The following GLYATL1 variants were observed in gnomAD, a reference collection of about 807,000 sequenced individuals.
The protein encoded by GLYATL1 is glycine-N-acyltransferase like 1.
GLYATL1 carries 15 observed loss-of-function variants against 20.0 expected under a neutral mutation model. The observed-to-expected ratio is 0.75, with a 90% CI of 0.50 to 1.15. GLYATL1 has a LOEUF of 1.15. Ranked by LOEUF, GLYATL1 falls within the 50% of genes most tolerant of loss-of-function variation. GLYATL1 has a pLI of 0.00. For missense variants in GLYATL1, 380 were observed against 368.5 expected, an observed-to-expected ratio of 1.03 and a Z score of -0.26; for synonymous variants, 151 against 131.5, an observed-to-expected ratio of 1.15 and a Z score of -1.01.
At chr11:58,948,168 T>C (rs1178592132) in intron 4 of GLYATL1, among the ~76,000 whole-genome samples, 3 of 150,296 alleles carry the variant, frequency 2.0e-5, no homozygotes, top group Non-Finnish European at 3.0e-5. Flanking sequence ...GGAAAGGGGG[T>C]GGAGGAGGAA....
chr11:58,921,984 C>T (rs1855319443), intron 1 of GLYATL1, among the ~76,000 whole-genome samples: 1 of 152,226 alleles, frequency 6.6e-6, no homozygotes, highest in Non-Finnish European at 1.5e-5. Context: ...CTCATCTGCA[C>T]ATAGTAGCAG....
chr11:58,926,351 G>A (rs751605429), upstream of GLYATL1, among the ~76,000 whole-genome samples: 117 of 152,194 alleles, frequency 7.7e-4, 1 homozygote, highest in Non-Finnish European at 1.4e-3. Flanking sequence ...ATAAGCCAAT[G>A]GGCCAGGCAG....
intron 1 of GLYATL1, among the ~76,000 whole-genome samples, chr11:58,920,736 A>T (rs571004539): frequency 6.6e-6 from 1 of 152,268 alleles, no homozygotes; most frequent in Non-Finnish European, 1.5e-5. Flanking sequence ...TCATTTTTGG[A>T]TGTGATAACC....
At position 58,954,443 on chromosome 11, in the gene GLYATL1, G is replaced by A. The variant is rs142635768; in HGVS notation, c.187-327G>A. Among the ~76,000 whole-genome samples, 577 of 152,276 alleles carry A rather than the reference G, an allele frequency of 3.8e-3. 5 individuals are homozygous for A. Among genetic ancestry groups the A allele is most frequent in the African/African-American group, 0.013 (550 of 41,550 alleles). ...ATGCTATATATAAAATAGGGTATGT[G>A]TGCAGTTGAGTGGGTAGGGAGAAAG... On this transcript the variant is annotated intron_variant, in intron 4 of 6. Transcript: ENST00000532726.
In GLYATL1 at chr11:58,955,789, A is replaced by C. The variant is rs758324113; in HGVS notation, c.671A>C (p.Asp224Ala). ...EGVPVSWVTM[D>A]PSCEVGMAYS... is the part of the protein sequence containing the mutation. The stretch of plus-strand genomic sequence containing the variant: ...GTCCCGGTCTCATGGGTAACCATGG[A>C]CCCTTCTTGTGAAGTAGGAATGGCC... The change falls in exon 7 of 7, where the codon GAC becomes GCC. Residue 224 changes from aspartate (D) to alanine (A), a missense_variant. Physicochemically the swap from Asp to Ala is moderately radical, Grantham distance 126. Coordinates refer to ENST00000532726, the MANE Select transcript of GLYATL1 (RefSeq NM_001389712.2). 7 of 1,614,130 alleles carry C rather than the reference A, an allele frequency of 4.3e-6. No individual in the cohort carries two copies. In the Admixed American group the frequency reaches 8.3e-5, roughly 19 times the overall value.
chr11:58,952,372 A>G (rs1444658695), intron 4 of GLYATL1, among the ~76,000 whole-genome samples: 3 of 152,164 alleles, frequency 2.0e-5, no homozygotes, highest in Non-Finnish European at 4.4e-5. Flanking sequence ...TATTTTATTC[A>G]TAATTTTTGT....
chr11:58,905,743 A>T, intron 1 of GLYATL1: 1 of 3,026 alleles, frequency 3.3e-4, no homozygotes, highest in Non-Finnish European at 6.3e-4. Context: ...ACAAATAGGG[A>T]GGGTGGGCGG....
chr11:58,919,089 C>T (rs1458600203), intron 1 of GLYATL1, among the ~76,000 whole-genome samples: 1 of 152,198 alleles, frequency 6.6e-6, no homozygotes, highest in Non-Finnish European at 1.5e-5. Flanking sequence ...CAAACAGAAT[C>T]ACCAGGTTTG....
At chr11:58,912,219 G>A (rs1291317780), downstream of GLYATL1, among the ~76,000 whole-genome samples, 1 of 152,110 alleles carries the variant, frequency 6.6e-6, no homozygotes, top group African/African-American at 2.4e-5. Context: ...GGTTTGAAGG[G>A]GCAATGTGAC....
At position 58,956,200 on chromosome 11, in the gene GLYATL1, C is replaced by A; in HGVS notation, c.*173C>A. 1.6e-6 allele frequency: 1 copy of A among 639,118 alleles called. No homozygotes were observed. Among genetic ancestry groups the A allele is most frequent in the Non-Finnish European group, 2.7e-6 (1 of 374,020 alleles). 39.6% of individuals were successfully genotyped at this position (639,118 alleles called of 1,614,324 possible). A position where few individuals can be genotyped will look rare whatever the true frequency, so the allele number is the denominator to read the frequency against. On this transcript the variant is annotated 3_prime_UTR_variant, in exon 7 of 7. Coordinates refer to ENST00000532726, the MANE Select transcript of GLYATL1 (RefSeq NM_001389712.2). ...CACAGCCATGCTCTTGAGGAGCTTA[C>A]AATCCTGGCTGGAGGCAGGGGAGGG...
chr11:58,920,340 G>C (rs1201066760), intron 1 of GLYATL1, among the ~76,000 whole-genome samples: 2 of 152,138 alleles, frequency 1.3e-5, no homozygotes, highest in Admixed American at 1.3e-4. Flanking sequence ...AAGCATATTT[G>C]GAGTGTGGTT....
At position 58,915,699 on chromosome 11, in the gene GLYATL1, C is replaced by T. The variant is rs184136079; in HGVS notation, n.264+10038C>T. Among the ~76,000 whole-genome samples, 322 of 152,288 alleles carry T rather than the reference C, an allele frequency of 2.1e-3. 1 individual carries two copies. Among genetic ancestry groups the T allele is most frequent in the African/African-American group, 7.1e-3 (295 of 41,554 alleles). On this transcript the variant is annotated intron_variant and non_coding_transcript_variant, in intron 1 of 2. Transcript: ENST00000534674. ...AGAATGATGGCAAGAACTCAGACAC[C>T]GATTGGGACTGCCAGGCAGGTGGAA...
intron 1 of GLYATL1, among the ~76,000 whole-genome samples, chr11:58,931,909 A>G (rs1167739698): frequency 6.6e-6 from 1 of 152,098 alleles, no homozygotes; most frequent in Non-Finnish European, 1.5e-5. Flanking sequence ...CAGGTGTTCC[A>G]GACCAGACTG....
chr11:58,949,070 A>G (rs1034003184), intron 4 of GLYATL1, among the ~76,000 whole-genome samples: 1 of 152,254 alleles, frequency 6.6e-6, no homozygotes, highest in Admixed American at 6.5e-5. Context: ...ATTAGCCATT[A>G]TTGGCTGAGG....
At chr11:58,921,235 G>T (rs1219455196) in intron 1 of GLYATL1, among the ~76,000 whole-genome samples, 3 of 152,154 alleles carry the variant, frequency 2.0e-5, no homozygotes, top group African/African-American at 7.2e-5. Context: ...AGTGGGAAGC[G>T]CACAAACAGC....
upstream of GLYATL1, among the ~76,000 whole-genome samples, chr11:58,926,500 A>G (rs189814113): frequency 6.6e-6 from 1 of 152,338 alleles, no homozygotes; most frequent in African/African-American, 2.4e-5. Flanking sequence ...TAACAAATAC[A>G]CAGAGTAACC....
At chr11:58,905,784 C>G in intron 1 of GLYATL1, 3 of 387,010 alleles carry the variant, frequency 7.8e-6, no homozygotes, top group Non-Finnish European at 1.6e-5. Context: ...GCCTGGCCGT[C>G]TGACCCGCCC....
At chr11:58,949,895 T>C (rs1210764968) in intron 4 of GLYATL1, among the ~76,000 whole-genome samples, 1 of 151,840 alleles carries the variant, frequency 6.6e-6, no homozygotes, top group African/African-American at 2.4e-5. Flanking sequence ...TAATCTATGT[T>C]GATTATACAA....
intron 1 of GLYATL1, chr11:58,928,442 G>A (rs1311610168): frequency 6.6e-6 from 1 of 152,112 alleles, no homozygotes; most frequent in Admixed American, 6.6e-5. Context: ...TTCATAGCTT[G>A]CCTTACAAGG....
Sources: allele counts gnomAD v4.1 joint callset (sites outside exome capture counted in the v4.1 genomes callset), GRCh38; gene constraint gnomAD v4.1.1; transcripts MANE v1.5; gene names NCBI Gene and HGNC (gene_info 2026-07-23, HGNC 2026-07-21).